Variants in NKAIN2 observed in about 807,000 individuals in gnomAD.
NKAIN2 encodes the protein sodium/potassium transporting ATPase interacting 2.
A neutral mutation model predicts 32.6 loss-of-function variants in NKAIN2; 14 were observed. The observed-to-expected ratio is 0.43, with a 90% CI of 0.28 to 0.67. The LOEUF (loss-of-function observed/expected upper bound fraction) is 0.67. Ranked by LOEUF, NKAIN2 falls within the 30% of genes least tolerant of loss-of-function variation. The probability of loss-of-function intolerance (pLI) is 0.17; values close to 1 mark genes in which losing one functional copy is unlikely to be tolerated. For missense variants in NKAIN2, 198 were observed against 258.3 expected, an observed-to-expected ratio of 0.77 and a Z score of 1.60; for synonymous variants, 80 against 87.2, an observed-to-expected ratio of 0.92 and a Z score of 0.46.
chr6:124,103,377 T>C (rs1291995467), intron 1 of NKAIN2, among the ~76,000 whole-genome samples: 1 of 152,126 alleles, frequency 6.6e-6, no homozygotes, highest in African/African-American at 2.4e-5. Context: ...AGAAAACCAA[T>C]GAAAAAGTGA....
At chr6:124,211,506 GAGA>G (rs959237956) in intron 1 of NKAIN2, among the ~76,000 whole-genome samples, 5 of 151,916 alleles carry the variant, frequency 3.3e-5, no homozygotes, top group Non-Finnish European at 7.4e-5. Context: ...TGACAGTAGA[GAGA>G]AGAAGAGATT....
chr6:124,611,335 G>A (rs1782680872), intron 3 of NKAIN2, among the ~76,000 whole-genome samples: 1 of 151,576 alleles, frequency 6.6e-6, no homozygotes, highest in African/African-American at 2.4e-5. Context: ...AAAATAAAAG[G>A]TAAACGCCAT....
intron 4 of NKAIN2, among the ~76,000 whole-genome samples, chr6:124,660,142 A>T (rs1335247209): frequency 6.6e-6 from 1 of 152,196 alleles, no homozygotes; most frequent in Non-Finnish European, 1.5e-5. Context: ...ATATCTTTAT[A>T]TATGTATTAA....
rs143778630 is a variant in NKAIN2 at position 124,364,968 on chromosome 6, A to G, written c.273+9621A>G. 3.7e-3 allele frequency among the ~76,000 whole-genome samples: 565 copies of G among 152,090 alleles called. 1 individual carries two copies. Among genetic ancestry groups the G allele is most frequent in the Admixed American group, 5.2e-3 (79 of 15,276 alleles). Reference sequence around the variant, plus strand: ...GTTGTAGCATTATTATGGAAATGTTAATGGTAATATTTATGTTAGATTATA... The same window carrying G: ...GTTGTAGCATTATTATGGAAATGTTGATGGTAATATTTATGTTAGATTATA... On this transcript the variant is annotated intron_variant, in intron 3 of 6. Transcript: ENST00000368417.
chr6:124,730,357 CAG>C (rs1229778040), intron 4 of NKAIN2, among the ~76,000 whole-genome samples: 1 of 107,670 alleles, frequency 9.3e-6, no homozygotes, highest in Non-Finnish European at 1.9e-5. Flanking sequence ...GATACCAAAA[CAG>C]AGATATAGAT....
chr6:124,282,037 A>T (rs937902299), intron 1 of NKAIN2, among the ~76,000 whole-genome samples: 1 of 152,138 alleles, frequency 6.6e-6, no homozygotes, highest in Non-Finnish European at 1.5e-5. Context: ...GGCAGGAAGA[A>T]TAAAGCCAAC....
intron 3 of NKAIN2, among the ~76,000 whole-genome samples, chr6:124,497,825 A>T (rs989053687): frequency 6.6e-4 from 8 of 12,052 alleles, no homozygotes; most frequent in African/African-American, 3.5e-3. Flanking sequence ...AGTAAGGGGT[A>T]AAAAAAAAAA....
chr6:123,944,756 A>AT (rs1562271002), intron 1 of NKAIN2, among the ~76,000 whole-genome samples: 5 of 151,158 alleles, frequency 3.3e-5, no homozygotes, highest in African/African-American at 1.2e-4. Flanking sequence ...AATGACTTGG[A>AT]CTTTTTTTTT....
chr6:123,895,245 A>ACAGCAG (rs560084577), intron 1 of NKAIN2, among the ~76,000 whole-genome samples: 93 of 151,394 alleles, frequency 6.1e-4, no homozygotes, highest in African/African-American at 1.9e-3. Flanking sequence ...ACACACAGCA[A>ACAGCAG]CAGCAGCAGC....
chr6:124,498,146 G>A (rs1778139753), intron 3 of NKAIN2, among the ~76,000 whole-genome samples: 1 of 152,120 alleles, frequency 6.6e-6, no homozygotes, highest in Non-Finnish European at 1.5e-5. Flanking sequence ...ATCTGGGAAA[G>A]TTATCCAAGA....
chr6:123,920,237 A>G (rs1775686931), intron 1 of NKAIN2, among the ~76,000 whole-genome samples: 1 of 152,186 alleles, frequency 6.6e-6, no homozygotes, highest in Non-Finnish European at 1.5e-5. Context: ...CAGTGGCAGT[A>G]ACAACGCTGG....
At chr6:124,422,252 T>C (rs1774788384) in intron 3 of NKAIN2, among the ~76,000 whole-genome samples, 1 of 152,084 alleles carries the variant, frequency 6.6e-6, no homozygotes, top group South Asian at 2.1e-4. Flanking sequence ...ATACTGATAA[T>C]TGCCTTCTTT....
chr6:124,486,552 T>C (rs1317563101), intron 3 of NKAIN2, among the ~76,000 whole-genome samples: 2 of 152,184 alleles, frequency 1.3e-5, no homozygotes. Flanking sequence ...GGCAATACAA[T>C]GATATGAGCT....
At position 124,082,418 on chromosome 6, in the gene NKAIN2, T is replaced by C. The variant is rs1784017589; in HGVS notation, c.55-200587T>C. 2.0e-5 allele frequency among the ~76,000 whole-genome samples: 3 copies of C among 152,228 alleles called. No individual in the cohort carries two copies. The Middle Eastern group carries it at 0.01, about 518-fold the overall frequency. ...TGTAGACAGGCATGTGAGAAATTTA[T>C]GCAAAAGATATGAGAATTGGTTCCT... On this transcript the variant is annotated intron_variant, in intron 1 of 6. Transcript: ENST00000368417.
At chr6:124,822,504 T>A (rs1781433137) in intron 6 of NKAIN2, among the ~76,000 whole-genome samples, 1 of 152,172 alleles carries the variant, frequency 6.6e-6, no homozygotes, top group Non-Finnish European at 1.5e-5. Context: ...GTGGCCAAGA[T>A]CCTGGACAAA....
intron 2 of NKAIN2, among the ~76,000 whole-genome samples, chr6:124,303,928 A>C (rs572634503): frequency 6.6e-6 from 1 of 152,202 alleles, no homozygotes; most frequent in Non-Finnish European, 1.5e-5. Context: ...AAAAGTATCA[A>C]ATGGAACTCA....
chr6:124,564,977 T>G (rs1780850970), intron 3 of NKAIN2, among the ~76,000 whole-genome samples: 1 of 152,180 alleles, frequency 6.6e-6, no homozygotes, highest in Non-Finnish European at 1.5e-5. Flanking sequence ...TAATAAAAAC[T>G]TTTCACATTT....
chr6:124,106,657 T>G (rs1785134857), intron 1 of NKAIN2, among the ~76,000 whole-genome samples: 1 of 152,198 alleles, frequency 6.6e-6, no homozygotes, highest in South Asian at 2.1e-4. Context: ...TATCTGGTGA[T>G]GTGCTTTATG....
chr6:124,733,514 T>C (rs1211413106), intron 4 of NKAIN2, among the ~76,000 whole-genome samples: 1 of 151,886 alleles, frequency 6.6e-6, no homozygotes, highest in Non-Finnish European at 1.5e-5. Flanking sequence ...TGTACTCTAG[T>C]TGATAAGTAT....
Sources: gnomAD v4.1 joint callset for allele counts (sites outside exome capture counted in the v4.1 genomes callset) on GRCh38, gnomAD v4.1.1 for gene constraint, MANE v1.5 for transcripts, NCBI Gene and HGNC (gene_info 2026-07-23, HGNC 2026-07-21) for gene names.